Variants in CDCP1 observed in about 807,000 individuals in gnomAD.
The protein encoded by CDCP1 is CUB domain-containing protein 1.
In CDCP1, 29 loss-of-function variants were observed where a neutral mutation model predicts 60.2. That is an observed-to-expected ratio of 0.48 (90% CI 0.36 to 0.66). The LOEUF is 0.66. Ranked by LOEUF, CDCP1 falls within the 30% of genes least tolerant of loss-of-function variation. CDCP1 has a pLI of 0.00. For missense variants in CDCP1, 876 were observed against 1,074.3 expected (o/e 0.82, Z 2.58); for synonymous variants, 387 against 431.1 (o/e 0.90, Z 1.27).
rs1698178959 is a variant in CDCP1, at chr3:45,085,766, G to A, written c.2383C>T (p.Pro795Ser). Residue 795 changes from proline (P) to serine (S), a missense_variant, in exon 9 of 9, where the codon CCT (proline) becomes TCT (serine). This residue lies in a region of CDCP1 where 726 missense variants were observed against 935.7 expected (regional missense o/e 0.78). Coordinates refer to ENST00000296129, the MANE Select transcript of CDCP1 (RefSeq NM_022842.5). This position sits in a 1 kb window ranked among gnomAD's most constrained non-coding sequence, Gnocchi z 4.2. ...CTCTCAGACTCAGGAGGGGAGCGAG[G>A]AGGTGGCTCCTCAGTGGCCAACTTT... is the stretch of plus-strand genomic sequence containing the variant. ...TAKLATEEPP[P>S]RSPPESESEP... 1.2e-6 allele frequency: 2 copies of A among 1,614,050 alleles called. No homozygotes were observed. The highest frequency in any genetic ancestry group is 1.3e-5 in the African/African-American group (1 of 74,910).
Position 45,134,137 on chromosome 3 carries a change from T to A in CDCP1, c.82+12069A>T, listed in dbSNP as rs530151511. Among the ~76,000 whole-genome samples, 18 of 151,490 alleles carry A rather than the reference T, an allele frequency of 1.2e-4. No individual in the cohort carries two copies. In the South Asian group the frequency reaches 3.7e-3, roughly 32 times the overall value. On this transcript the variant is annotated intron_variant, in intron 1 of 8. Coordinates refer to ENST00000296129, the MANE Select transcript of CDCP1 (RefSeq NM_022842.5). ...AAACCCATGTTTTTGAGGCCTTAGA[T>A]CTACTTCTTTCTTTTTTTTTTTTTG... is the stretch of plus-strand genomic sequence containing the variant.
intron 4 of CDCP1, among the ~76,000 whole-genome samples, chr3:45,109,060 A>G (rs568816271): frequency 6.8e-6 from 1 of 148,012 alleles, no homozygotes; most frequent in Non-Finnish European, 1.5e-5. Context: ...AGCAATTTCC[A>G]TGTCTCAGCC....
In CDCP1 at chr3:45,091,041, T is replaced by A; in HGVS notation, c.1993+132A>T. On this transcript the variant is annotated intron_variant, in intron 7 of 8. Coordinates refer to ENST00000296129, the MANE Select transcript of CDCP1 (RefSeq NM_022842.5). The surrounding 1 kb of genome is among the most constrained non-coding windows in gnomAD (Gnocchi z 4.8). ...ATGGTTTGTTACTCAGCACTATTGA[T>A]GCAATAGCTGACTGATACATGGACA... The A allele has an allele frequency of 2.0e-6, 2 of 975,636 alleles. No individual in the cohort carries two copies. The highest frequency in any genetic ancestry group is 3.0e-6 in the Non-Finnish European group (2 of 662,850). 60.4% of individuals were successfully genotyped at this position (975,636 alleles called of 1,614,324 possible).
rs769056931 is a variant in CDCP1, at chr3:45,086,004, C to T, written c.2145G>A (p.Met715Ile). ...GIYNDNINTE[M>I]PRQPKKFQKG... ...TCTGAAACTTTTTTGGCTGCCTCGG[C>T]ATCTCAGTATTGATGTTGTCATTGT... The change falls in exon 9 of 9, where the codon ATG becomes ATA. Residue 715 changes from methionine to isoleucine, a missense_variant. Coordinates refer to ENST00000296129, the MANE Select transcript of CDCP1 (RefSeq NM_022842.5). 25 of 1,614,080 alleles carry T rather than the reference C, an allele frequency of 1.5e-5. No individual in the cohort carries two copies. The Admixed American group carries it at 4.0e-4, about 26-fold the overall frequency.
At chr3:45,092,198 A>G (rs541972811) in intron 6 of CDCP1, among the ~76,000 whole-genome samples, 2 of 152,342 alleles carry the variant, frequency 1.3e-5, no homozygotes, top group South Asian at 4.2e-4. Context: ...CTTTTGAAAA[A>G]AAACAAAACA....
chr3:45,085,998 C>T lies in CDCP1; in HGVS notation c.2151G>A (p.Arg717=). 6.2e-7 allele frequency: 1 copy of T among 1,614,158 alleles called. No homozygotes were observed. The highest frequency in any genetic ancestry group is 1.6e-4 in the Middle Eastern group (1 of 6,062). The change falls in exon 9 of 9, where the codon AGG becomes AGA. Residue 717 remains arginine, a synonymous_variant. Transcript: ENST00000296129. This position sits in a 1 kb window ranked among gnomAD's most constrained non-coding sequence, Gnocchi z 4.2. ...GCCCTTTCTGAAACTTTTTTGGCTG[C>T]CTCGGCATCTCAGTATTGATGTTGT... ...YNDNINTEMP[R]QPKKFQKGRK...
intron 4 of CDCP1, among the ~76,000 whole-genome samples, chr3:45,102,874 G>C (rs1698502685): frequency 6.6e-6 from 1 of 151,858 alleles, no homozygotes; most frequent in South Asian, 2.1e-4. Flanking sequence ...GCCCAGGCTG[G>C]TCTCAGACTC....
chr3:45,118,751 A>C, intron 1 of CDCP1, 130 bp from the exon 2 acceptor site: 1 of 684,152 alleles, frequency 1.5e-6, no homozygotes, highest in Non-Finnish European at 2.5e-6. Context: ...CTTTTCTGAG[A>C]AGAAGGGTGG....
intron 2 of CDCP1, among the ~76,000 whole-genome samples, chr3:45,113,802 G>A (rs4683047): frequency 0.58 from 88,125 of 152,120 alleles, 26,969 homozygotes; most frequent in South Asian, 0.78. Flanking sequence ...GGTGACTAAC[G>A]TGACTAAAAT....
At chr3:45,126,171 T>TTTCTTTCTTTCTTTCTTTCTTTCTTTCC (rs1252108024) in intron 1 of CDCP1, among the ~76,000 whole-genome samples, 5 of 140,048 alleles carry the variant, frequency 3.6e-5, no homozygotes, top group South Asian at 2.4e-4. Context: ...TCTTTCTTTC[T>TTTCTTTCTTTCTTTCTTTCTTTCTTTCC]TTCCTTCTTT....
chr3:45,128,997 G>A (rs560492824), intron 1 of CDCP1, among the ~76,000 whole-genome samples: 6 of 152,346 alleles, frequency 3.9e-5, no homozygotes, highest in East Asian at 1.9e-4. Flanking sequence ...GATTACAGGC[G>A]TGAGACACTG....
chr3:45,110,822 A>G lies in CDCP1; in HGVS notation c.675T>C (p.Ser225=). 6.2e-7 allele frequency: 1 copy of G among 1,613,462 alleles called. No individual in the cohort carries two copies. Among genetic ancestry groups the G allele is most frequent in the South Asian group, 1.1e-5 (1 of 91,042 alleles). Residue 225 remains serine, a synonymous_variant, in exon 4 of 9, where the codon TCT becomes TCC. Coordinates refer to ENST00000296129, the MANE Select transcript of CDCP1 (RefSeq NM_022842.5). ...SSIKRLCIIE[S]VFEGEGSATL... ...TTGCTGAGCCTTCACCCTCAAACAC[A>G]GACTCGATGATGCACAGACCTAGTG...
At chr3:45,111,272 G>T (rs977386353) in intron 3 of CDCP1, among the ~76,000 whole-genome samples, 1 of 152,126 alleles carries the variant, frequency 6.6e-6, no homozygotes, top group Non-Finnish European at 1.5e-5. Context: ...TGAGTTTTGA[G>T]TATTTATTAC....
rs1320141496 is a variant in CDCP1, at chr3:45,146,305, G to C, written c.-18C>G. 1 of 1,551,678 alleles carries C rather than the reference G, an allele frequency of 6.4e-7. No individual in the cohort carries two copies. The highest frequency in any genetic ancestry group is 8.7e-7 in the Non-Finnish European group (1 of 1,153,684). On this transcript the variant is annotated 5_prime_UTR_variant, in exon 1 of 9. Coordinates refer to ENST00000296129, the MANE Select transcript of CDCP1 (RefSeq NM_022842.5). ...CCGGCCATGACTCCGGGACGCCTCG[G>C]CCTCGGTGGGGAAAACGACGGTGGG...
At chr3:45,121,676 TG>T (rs1366209646) in intron 1 of CDCP1, among the ~76,000 whole-genome samples, 1 of 152,090 alleles carries the variant, frequency 6.6e-6, no homozygotes, top group African/African-American at 2.4e-5. Context: ...AGGCTAGAGA[TG>T]GGGAGAGGGA....
intron 1 of CDCP1, among the ~76,000 whole-genome samples, chr3:45,133,699 CAG>C (rs1699142440): frequency 1.2e-4 from 1 of 8,558 alleles, no homozygotes; most frequent in Admixed American, 1.8e-3. Context: ...GCCTGGGCGA[CAG>C]AGCGAGACTC....
intron 4 of CDCP1, among the ~76,000 whole-genome samples, chr3:45,099,503 T>A (rs1283479723): frequency 6.6e-6 from 1 of 152,260 alleles, no homozygotes; most frequent in East Asian, 1.9e-4. Context: ...ATCCATTGTG[T>A]GTGGTGGCCC....
Position 45,091,351 on chromosome 3 carries a change from G to A in CDCP1, c.1815C>T (p.Phe605=), listed in dbSNP as rs147033702. 1 of 1,614,032 alleles carries A rather than the reference G, an allele frequency of 6.2e-7. No individual in the cohort carries two copies. Among genetic ancestry groups the A allele is most frequent in the Non-Finnish European group, 8.5e-7 (1 of 1,180,042 alleles). ...GGGTCCGCTGCTCCTGGATGATCAT[G>A]AATGCGCGCCCTGTCTGGCAGACCA... ...SGVVCQTGRA[F]MIIQEQRTRA... Residue 605 remains phenylalanine (F), a synonymous_variant, in exon 7 of 9, where the codon TTC becomes TTT. Coordinates refer to ENST00000296129, the MANE Select transcript of CDCP1 (RefSeq NM_022842.5). The surrounding 1 kb of genome is among the most constrained non-coding windows in gnomAD (Gnocchi z 4.8).
In CDCP1 at chr3:45,110,404, C is replaced by T. The variant is rs1057234885; in HGVS notation, c.1024+69G>A. 1.0e-5 allele frequency: 16 copies of T among 1,566,512 alleles called. No individual in the cohort carries two copies. The East Asian group carries it at 3.6e-4, about 35-fold the overall frequency. ...TGAGAAACAGGAAGGGAGCCTCACC[C>T]AGGCAGACTACCCAGGAAACAACGA... is the stretch of plus-strand genomic sequence containing the variant. On this transcript the variant is annotated intron_variant, in intron 4 of 8. Coordinates refer to ENST00000296129, the MANE Select transcript of CDCP1 (RefSeq NM_022842.5).
Sources: allele counts gnomAD v4.1 joint callset (sites outside exome capture counted in the v4.1 genomes callset), GRCh38; gene constraint gnomAD v4.1.1; regional missense constraint gnomAD v4.1.1; non-coding constraint Gnocchi (gnomAD v3.1); transcripts MANE v1.5; gene names NCBI Gene and HGNC (gene_info 2026-07-23, HGNC 2026-07-21).